Variants in COL8A1 observed in about 807,000 individuals in gnomAD.
COL8A1 encodes the protein collagen type VIII alpha 1 chain.
In COL8A1, 21 loss-of-function variants were observed where a neutral mutation model predicts 42.7. That is an observed-to-expected ratio of 0.49 (90% confidence interval 0.35 to 0.71). COL8A1 has a LOEUF of 0.71. COL8A1 is among the 30% of genes least tolerant of loss of function. The pLI is 0.01. For missense variants in COL8A1, 788 were observed against 962.4 expected, an observed-to-expected ratio of 0.82 and a Z score of 2.40; for synonymous variants, 367 against 369.1, an observed-to-expected ratio of 0.99 and a Z score of 0.06.
At chr3:99,749,497 G>A (rs930111074) in intron 2 of COL8A1, among the ~76,000 whole-genome samples, 1 of 152,294 alleles carries the variant, frequency 6.6e-6, no homozygotes, top group Admixed American at 6.5e-5. Flanking sequence ...GGAATATTGA[G>A]CAGTAAGACC....
At chr3:99,685,768 AGAGT>A (rs1335640454) in intron 1 of COL8A1, among the ~76,000 whole-genome samples, 3 of 152,222 alleles carry the variant, frequency 2.0e-5, no homozygotes, top group African/African-American at 7.2e-5. Context: ...GGTAATAAAT[AGAGT>A]AAGTTCTTAA....
intron 2 of COL8A1, among the ~76,000 whole-genome samples, chr3:99,778,282 G>A (rs1941731329): frequency 6.6e-6 from 1 of 152,166 alleles, no homozygotes; most frequent in African/African-American, 2.4e-5. Flanking sequence ...ACGACAGTGA[G>A]TTTTTAGACC....
At chr3:99,652,740 C>A (rs372635169) in intron 1 of COL8A1, among the ~76,000 whole-genome samples, 7 of 152,186 alleles carry the variant, frequency 4.6e-5, no homozygotes, top group Admixed American at 2.0e-4. Context: ...GGCTAGTCAG[C>A]AGGAATAGTT....
intron 1 of COL8A1, among the ~76,000 whole-genome samples, chr3:99,735,058 A>G (rs1025199710): frequency 6.0e-5 from 9 of 150,844 alleles, no homozygotes; most frequent in Admixed American, 2.6e-4. Flanking sequence ...GGGCTGAGAT[A>G]ATGGGGTTTT....
chr3:99,641,426 T>C (rs1293301460), intron 1 of COL8A1, among the ~76,000 whole-genome samples: 1 of 152,172 alleles, frequency 6.6e-6, no homozygotes, highest in Non-Finnish European at 1.5e-5. Context: ...TTGGTTCTAA[T>C]GATGAAAATG....
At chr3:99,656,911 T>A (rs1168175735) in intron 1 of COL8A1, among the ~76,000 whole-genome samples, 1 of 152,222 alleles carries the variant, frequency 6.6e-6, no homozygotes, top group Non-Finnish European at 1.5e-5. Flanking sequence ...GGGCATGCCA[T>A]CCCCATTGAA....
chr3:99,764,813 T>G (rs1448440841), intron 2 of COL8A1, among the ~76,000 whole-genome samples: 1 of 148,780 alleles, frequency 6.7e-6, no homozygotes, highest in Admixed American at 6.9e-5. Flanking sequence ...TTCTAAGAAT[T>G]AAATAAGTTA....
At chr3:99,786,249 G>A (rs950185743) in intron 2 of COL8A1, among the ~76,000 whole-genome samples, 2 of 152,072 alleles carry the variant, frequency 1.3e-5, no homozygotes, top group African/African-American at 4.8e-5. Flanking sequence ...GCTATACATT[G>A]AATGTTTATG....
At chr3:99,657,802 G>A (rs960599574) in intron 1 of COL8A1, among the ~76,000 whole-genome samples, 5 of 151,982 alleles carry the variant, frequency 3.3e-5, no homozygotes, top group Admixed American at 3.3e-4. Flanking sequence ...GTTCTTTCTT[G>A]GTACACACCA....
At chr3:99,689,261 G>A (rs1939149846) in intron 1 of COL8A1, among the ~76,000 whole-genome samples, 1 of 152,194 alleles carries the variant, frequency 6.6e-6, no homozygotes, top group African/African-American at 2.4e-5. Context: ...TTCGAGTGTA[G>A]GGTTACATAT....
At chr3:99,712,131 C>T (rs958018272) in intron 1 of COL8A1, among the ~76,000 whole-genome samples, 5 of 152,094 alleles carry the variant, frequency 3.3e-5, no homozygotes, top group Admixed American at 3.3e-4. Flanking sequence ...GAAGAGAATG[C>T]ATTTGGGGCC....
intron 1 of COL8A1, among the ~76,000 whole-genome samples, chr3:99,676,437 T>G (rs1938699855): frequency 6.6e-6 from 1 of 152,134 alleles, no homozygotes; most frequent in Non-Finnish European, 1.5e-5. Flanking sequence ...AAGAATGGTT[T>G]AGGATTCAAA....
rs770997377 is a variant in COL8A1, at chr3:99,790,714, T to C, written c.32T>C (p.Leu11Pro). 6.2e-7 allele frequency: 1 copy of C among 1,614,206 alleles called. No homozygotes were observed. Among genetic ancestry groups the C allele is most frequent in the Non-Finnish European group, 8.5e-7 (1 of 1,180,038 alleles). ...GTGCTGCCTGGCCCTCTGCAGCTGCTGGGAGTGCTGCTTACCATTTCCCTG... is the reference window on the plus strand; with the variant it reads ...GTGCTGCCTGGCCCTCTGCAGCTGCCGGGAGTGCTGCTTACCATTTCCCTG... MAVLPGPLQLLGVLLTISLSS... is the reference protein window; with the variant it reads MAVLPGPLQLPGVLLTISLSS... The change falls in exon 3 of 4, where the codon CTG becomes CCG. Residue 11 changes from leucine (L) to proline (P), a missense_variant. Physicochemically the swap from Leu to Pro is moderately conservative, Grantham distance 98. Around this residue, in one of 4 missense-constraint regions of COL8A1, gnomAD observed 421 missense variants for 553.1 expected, o/e 0.76. Transcript: ENST00000652472.
At chr3:99,739,601 TG>T (rs775169579) in intron 1 of COL8A1, among the ~76,000 whole-genome samples, 10 of 152,220 alleles carry the variant, frequency 6.6e-5, no homozygotes, top group Non-Finnish European at 1.5e-4. Context: ...TGCCAAAGCT[TG>T]GGGTTTGCAC....
At chr3:99,675,814 C>A (rs925015937) in intron 1 of COL8A1, 1 of 152,360 alleles carries the variant, frequency 6.6e-6, no homozygotes, top group Non-Finnish European at 1.5e-5. Flanking sequence ...GAATTTTGAC[C>A]CCCTCTAAGG....
chr3:99,717,296 T>C (rs1940025781), intron 1 of COL8A1, among the ~76,000 whole-genome samples: 1 of 152,038 alleles, frequency 6.6e-6, no homozygotes, highest in African/African-American at 2.4e-5. Context: ...CACAAATTTA[T>C]GTAAAGTAAC....
chr3:99,783,731 C>A (rs527490898), intron 2 of COL8A1, among the ~76,000 whole-genome samples: 2 of 152,150 alleles, frequency 1.3e-5, no homozygotes, highest in Admixed American at 6.6e-5. Context: ...AGAGAGAGCA[C>A]GTGCGCGCAA....
chr3:99,784,197 C>G (rs1941848972), intron 2 of COL8A1, among the ~76,000 whole-genome samples: 1 of 152,046 alleles, frequency 6.6e-6, no homozygotes, highest in East Asian at 1.9e-4. Flanking sequence ...GATGGCAGCT[C>G]CTACACATAA....
chr3:99,761,998 T>C (rs1026504036), intron 2 of COL8A1, among the ~76,000 whole-genome samples: 10 of 152,190 alleles, frequency 6.6e-5, no homozygotes, highest in Admixed American at 4.6e-4. Context: ...ATACATACCA[T>C]GTTTGGTACA....
Sources: allele counts gnomAD v4.1 joint callset (sites outside exome capture counted in the v4.1 genomes callset), GRCh38; gene constraint gnomAD v4.1.1; regional missense constraint gnomAD v4.1.1; transcripts MANE v1.5; gene names NCBI Gene and HGNC (gene_info 2026-07-23, HGNC 2026-07-21).